Variants in IFNAR2 observed in about 807,000 individuals in gnomAD.
IFNAR2 encodes the protein interferon alpha and beta receptor subunit 2, also known as interferon alpha/beta receptor 2.
IFNAR2 carries 30 observed loss-of-function variants against 49.4 expected under a neutral mutation model. The observed-to-expected ratio is 0.61, with a 90% confidence interval of 0.45 to 0.82. The LOEUF (loss-of-function observed/expected upper bound fraction) is 0.82. Among genes scored for constraint, IFNAR2 ranks in the 40% least tolerant of loss-of-function variants. The probability of loss-of-function intolerance (pLI) is 0.00; values close to 1 mark genes in which losing one functional copy is unlikely to be tolerated. For synonymous variants in IFNAR2, 224 were observed against 234.5 expected (o/e 0.96, Z 0.41); for missense variants, 600 against 622.7 (o/e 0.96, Z 0.39).
At position 33,262,981 on chromosome 21, in the gene IFNAR2, T is replaced by C. The variant is rs1475986730; in HGVS notation, c.1029T>C (p.Thr343=). 5.0e-6 allele frequency: 8 copies of C among 1,614,120 alleles called. No individual in the cohort carries two copies. In the East Asian group the frequency reaches 1.1e-4, roughly 22 times the overall value. ...GTGGCTATACCATGCATGGACTGAC[T>C]GTCAGGCCTCTGGGTCAGGCCTCTG... The part of the protein sequence containing the change: ...SGGGYTMHGL[T]VRPLGQASAT... Residue 343 remains threonine (T), a synonymous_variant, in exon 9 of 9, where the codon ACT becomes ACC. Transcript: ENST00000342136.
At chr21:33,253,794 G>A (rs1286582052) in intron 7 of IFNAR2, among the ~76,000 whole-genome samples, 1 of 152,186 alleles carries the variant, frequency 6.6e-6, no homozygotes, top group African/African-American at 2.4e-5. Flanking sequence ...CATGGCATTT[G>A]TAAACTCATG....
chr21:33,243,676 A>G lies in IFNAR2; in HGVS notation c.59A>G (p.Tyr20Cys), dbSNP rs781731891. ...TAATGTGTTTTCTTCCTTCTAGTGT[A>G]TATCAGCCTCGTGTTTGGTATTTCA... ...FRSLNLVLMV[Y>C]ISLVFGISYD... is the part of the protein sequence containing the mutation. The change falls in exon 3 of 9, where the codon TAT becomes TGT. Residue 20 changes from tyrosine (Y) to cysteine (C), a missense_variant. Coordinates refer to ENST00000342136, the MANE Select transcript of IFNAR2 (RefSeq NM_001289125.3). 4 of 1,613,178 alleles carry G rather than the reference A, an allele frequency of 2.5e-6. No homozygotes were observed. The highest frequency in any genetic ancestry group is 1.7e-5 in the Admixed American group (1 of 59,998).
rs1987457213 is a variant in IFNAR2 at position 33,246,859 on chromosome 21, T to G, written c.363T>G (p.Ser121Arg). ...TCAGCGGGAACACAACGTTGTTCAG[T>G]TGCTCACACAATTTCTGGCTGGCCA... is the stretch of plus-strand genomic sequence containing the variant. The part of the protein sequence containing the change: ...EGFSGNTTLF[S>R]CSHNFWLAID... Residue 121 changes from serine (S) to arginine (R), a missense_variant, in exon 5 of 9, where the codon AGT (serine) becomes AGG (arginine). Transcript: ENST00000342136. The G allele has an allele frequency of 6.2e-7, 1 of 1,614,082 alleles. No individual in the cohort carries two copies. The highest frequency in any genetic ancestry group is 1.7e-5 in the Admixed American group (1 of 60,010).
rs1190725243 is a variant in IFNAR2, at chr21:33,248,757, T to G, written c.443T>G (p.Ile148Ser). 6.2e-7 allele frequency: 1 copy of G among 1,612,360 alleles called. No homozygotes were observed. Among genetic ancestry groups the G allele is most frequent in the African/African-American group, 1.3e-5 (1 of 74,862 alleles). The change falls in exon 6 of 9, where the codon ATT becomes AGT. Residue 148 changes from isoleucine to serine, a missense_variant. Transcript: ENST00000342136. ...GAGATTGTTGGTTTTACCAACCACA[T>G]TAATGTGATGGTGAAATTTCCATCT... is the stretch of plus-strand genomic sequence containing the variant. ...EFEIVGFTNHINVMVKFPSIV... is the reference protein window; with the variant it reads ...EFEIVGFTNHSNVMVKFPSIV...
At chr21:33,232,727 C>T (rs2123438522) in intron 1 of IFNAR2, among the ~76,000 whole-genome samples, 1 of 151,464 alleles carries the variant, frequency 6.6e-6, no homozygotes, top group Admixed American at 6.6e-5. Context: ...GAACAGTGGG[C>T]CCTTTATGCT....
chr21:33,264,389 C>T lies in IFNAR2; in HGVS notation c.*889C>T, dbSNP rs1988840434. 6.6e-6 allele frequency: 1 copy of T among 152,092 alleles called. No individual in the cohort carries two copies. The highest frequency in any genetic ancestry group is 2.4e-5 in the African/African-American group (1 of 41,400). The allele number at this position is 152,092 out of a possible 1,614,324, so 9.4% of individuals were successfully genotyped here. A position where few individuals can be genotyped will look rare whatever the true frequency, so the allele number is the denominator to read the frequency against. On this transcript the variant is annotated 3_prime_UTR_variant, in exon 9 of 9. Coordinates refer to ENST00000342136, the MANE Select transcript of IFNAR2 (RefSeq NM_001289125.3). The stretch of plus-strand genomic sequence containing the variant: ...ATCCTGTCTCCTGCAATTGGAATTC[C>T]ACCTTGTCCAGCCCTCCCCAGTTAA...
chr21:33,236,081 T>C (rs1986427508), intron 1 of IFNAR2, among the ~76,000 whole-genome samples: 1 of 152,218 alleles, frequency 6.6e-6, no homozygotes, highest in Non-Finnish European at 1.5e-5. Flanking sequence ...ACAGCACATC[T>C]TGGGAGGTTC....
At position 33,229,949 on chromosome 21, in the gene IFNAR2, C is replaced by T. The variant is rs895598511; in HGVS notation, c.-351C>T. 4 of 983,738 alleles carry T rather than the reference C, an allele frequency of 4.1e-6. No individual in the cohort carries two copies. The highest frequency in any genetic ancestry group is 3.5e-5 in the African/African-American group (2 of 56,916). 60.9% of individuals were successfully genotyped at this position (983,738 alleles called of 1,614,324 possible). On this transcript the variant is annotated 5_prime_UTR_variant, in exon 1 of 9. Coordinates refer to ENST00000342136, the MANE Select transcript of IFNAR2 (RefSeq NM_001289125.3). ...GCGCCCGCGCTTCCGTATCGCTCCT[C>T]GTAGGCCGGGGCTCGGCGCGCGCAC...
In IFNAR2 at chr21:33,263,678, TATC is replaced by T; in HGVS notation, c.*181_*183del. On this transcript the variant is annotated 3_prime_UTR_variant, in exon 9 of 9. Coordinates refer to ENST00000342136, the MANE Select transcript of IFNAR2 (RefSeq NM_001289125.3). ...CACATTCCCAGTATGGGGACCATAG[TATC>T]ATTCAGTGCATTGTTTACATATTCA... is the stretch of plus-strand genomic sequence containing the variant. The T allele has an allele frequency of 1.6e-6, 1 of 606,554 alleles. No homozygotes were observed. 37.6% of individuals were successfully genotyped at this position (606,554 alleles called of 1,614,324 possible).
chr21:33,244,998 C>T lies in IFNAR2; in HGVS notation c.145C>T (p.Arg49Trp), dbSNP rs375487848. Reference sequence around the variant, plus strand: ...TTTCAAGATATCATTGCGAAATTTCCGGTCCATCTTATCATGGGAATTAAA... The same window carrying T: ...TTTCAAGATATCATTGCGAAATTTCTGGTCCATCTTATCATGGGAATTAAA... ...CTFKISLRNF[R>W]SILSWELKNH... Residue 49 changes from arginine (R) to tryptophan (W), a missense_variant, in exon 4 of 9, where the codon CGG (arginine) becomes TGG (tryptophan). Transcript: ENST00000342136. 34 of 1,609,420 alleles carry T rather than the reference C, an allele frequency of 2.1e-5. No individual in the cohort carries two copies. Among genetic ancestry groups the T allele is most frequent in the Middle Eastern group, 1.6e-4 (1 of 6,080 alleles).
At chr21:33,247,614 A>G (rs1188193005) in intron 5 of IFNAR2, among the ~76,000 whole-genome samples, 2 of 152,144 alleles carry the variant, frequency 1.3e-5, no homozygotes, top group African/African-American at 4.8e-5. Context: ...TTGTGTGTGA[A>G]CACCAAGTGT....
Position 33,246,910 on chromosome 21 carries a change from C to T in IFNAR2, c.394+20C>T, listed in dbSNP as rs775030833. Reference sequence around the variant, plus strand: ...TAGACAGTGAGTTTTATCTCTGTTTCTCCACTTCGTCCCCATCATCAAGAT... The same window carrying T: ...TAGACAGTGAGTTTTATCTCTGTTTTTCCACTTCGTCCCCATCATCAAGAT... On this transcript the variant is annotated intron_variant, in intron 5 of 8. Coordinates refer to ENST00000342136, the MANE Select transcript of IFNAR2 (RefSeq NM_001289125.3). The T allele has an allele frequency of 4.4e-6, 7 of 1,589,992 alleles. No individual in the cohort carries two copies. In the South Asian group the frequency reaches 6.6e-5, roughly 15 times the overall value.
intron 2 of IFNAR2, among the ~76,000 whole-genome samples, chr21:33,242,325 A>T (rs1213559991): frequency 6.6e-6 from 1 of 152,230 alleles, no homozygotes; most frequent in Non-Finnish European, 1.5e-5. Context: ...ATTAATTAGC[A>T]ACATGCTTAT....
At chr21:33,244,929 C>T (rs775094056) in intron 3 of IFNAR2, 22 bp from the exon 4 acceptor site, 1 of 1,612,416 alleles carries the variant, frequency 6.2e-7, no homozygotes, top group African/African-American at 1.3e-5. Context: ...AATTTCAATG[C>T]CCTTTTTCTT....
At chr21:33,238,269 A>G (rs77078324) in intron 1 of IFNAR2, among the ~76,000 whole-genome samples, 2,791 of 152,272 alleles carry the variant, frequency 0.018, 85 homozygotes, top group African/African-American at 0.064. Flanking sequence ...CTCCCTTGCA[A>G]TGTATTTTCC....
rs59707670 is a variant in IFNAR2 at position 33,247,254 on chromosome 21, C to CT, written c.394+379dup. On this transcript the variant is annotated intron_variant, in intron 5 of 8. Transcript: ENST00000342136. ...ATTTTCTTTCTTTCTTTCTTTCTTT[C>CT]TTTTTTTTTTTTTTTGAGATGGAGT... Among the ~76,000 whole-genome samples, 49 of 91,568 alleles carry CT rather than the reference C, an allele frequency of 5.4e-4. 1 individual carries two copies. The highest frequency in any genetic ancestry group is 1.1e-3 in the South Asian group (3 of 2,704). The allele number at this position is 91,568 out of a possible 152,430, so 60.1% of individuals were successfully genotyped here.
At position 33,262,651 on chromosome 21, in the gene IFNAR2, T is replaced by A. The variant is rs1988703876; in HGVS notation, c.841-142T>A. ...GTCTGAAACTCCTGAGCTCAAACAG[T>A]CGTCCTGCCTAAGCTTCCCCAGTAG... On this transcript the variant is annotated intron_variant, in intron 8 of 8. Coordinates refer to ENST00000342136, the MANE Select transcript of IFNAR2 (RefSeq NM_001289125.3). 2.5e-6 allele frequency: 3 copies of A among 1,194,862 alleles called. No homozygotes were observed. In the Admixed American group the frequency reaches 5.3e-5, roughly 21 times the overall value. The allele number at this position is 1,194,862 out of a possible 1,614,324, so 74.0% of individuals were successfully genotyped here. A position where few individuals can be genotyped will look rare whatever the true frequency, so the allele number is the denominator to read the frequency against.
chr21:33,249,343 CAAAAAAAAA>C (rs58744346), intron 6 of IFNAR2, among the ~76,000 whole-genome samples: 1 of 107,208 alleles, frequency 9.3e-6, no homozygotes. Flanking sequence ...GACTCCGTCT[CAAAAAAAAA>C]AAAAAAAAAA....
rs368849530 is a variant in IFNAR2, at chr21:33,263,404, C to T, written c.1452C>T (p.Pro484=). The T allele has an allele frequency of 1.2e-5, 19 of 1,614,028 alleles. 1 individual carries two copies. In the Middle Eastern group the frequency reaches 4.9e-4, roughly 42 times the overall value. ...GEGTQPTFPS[P]SSEGLWSEDA... ...GGACACAGCCAACCTTTCCCAGCCC[C>T]TCTTCAGAGGGCCTGTGGTCCGAAG... is the stretch of plus-strand genomic sequence containing the variant. Residue 484 remains proline, a synonymous_variant, in exon 9 of 9, where the codon CCC becomes CCT. Transcript: ENST00000342136.
Sources: allele counts gnomAD v4.1 joint callset (sites outside exome capture counted in the v4.1 genomes callset), GRCh38; gene constraint gnomAD v4.1.1; transcripts MANE v1.5; gene names NCBI Gene and HGNC (gene_info 2026-07-23, HGNC 2026-07-21).